The following SPOCK3 variants were observed in gnomAD, a reference collection of about 807,000 sequenced individuals.
SPOCK3 encodes the protein SPARC (osteonectin), cwcv and kazal like domains proteoglycan 3.
SPOCK3 carries 30 observed loss-of-function variants against 56.6 expected under a neutral mutation model. That is an observed-to-expected ratio of 0.53 (90% CI 0.40 to 0.72). SPOCK3 has a LOEUF of 0.72. SPOCK3 is among the 30% of genes least tolerant of loss of function. The probability of loss-of-function intolerance (pLI) is 0.00; values close to 1 mark genes in which losing one functional copy is unlikely to be tolerated. For synonymous variants in SPOCK3, 196 were observed against 183.3 expected (o/e 1.07, Z -0.56); for missense variants, 527 against 530.0 (o/e 0.99, Z 0.06).
At chr4:167,127,721 C>T (rs1005085572) in intron 2 of SPOCK3, among the ~76,000 whole-genome samples, 1 of 152,172 alleles carries the variant, frequency 6.6e-6, no homozygotes, top group Non-Finnish European at 1.5e-5. Flanking sequence ...AGCCACCATG[C>T]ACAGCCTGGA....
chr4:167,196,664 G>A (rs1732985167), intron 2 of SPOCK3, among the ~76,000 whole-genome samples: 1 of 152,068 alleles, frequency 6.6e-6, no homozygotes. Context: ...CTTTTCTAGA[G>A]TTCAGGGTTC....
At chr4:166,942,528 C>T (rs1164650160) in intron 4 of SPOCK3, among the ~76,000 whole-genome samples, 1 of 148,912 alleles carries the variant, frequency 6.7e-6, no homozygotes, top group East Asian at 2.0e-4. Flanking sequence ...GCAAAGGCGA[C>T]ATGAACTCTG....
intron 2 of SPOCK3, among the ~76,000 whole-genome samples, chr4:167,173,215 T>C (rs879762715): frequency 6.6e-6 from 1 of 152,170 alleles, no homozygotes; most frequent in Non-Finnish European, 1.5e-5. Flanking sequence ...GGCACTTTAT[T>C]TGATGTTGCA....
chr4:167,234,273 G>C (rs936454656), intron 1 of SPOCK3, 100 bp from the exon 2 acceptor site: 6 of 1,169,586 alleles, frequency 5.1e-6, no homozygotes, highest in Non-Finnish European at 7.4e-6. Flanking sequence ...TAGCAACGAC[G>C]AGGGTAGAGG....
At chr4:166,916,143 C>A (rs1201869354) in intron 4 of SPOCK3, among the ~76,000 whole-genome samples, 2 of 151,858 alleles carry the variant, frequency 1.3e-5, no homozygotes, top group East Asian at 3.9e-4. Context: ...GGAAACGAAG[C>A]AAATTGAATA....
intron 6 of SPOCK3, among the ~76,000 whole-genome samples, chr4:166,843,002 G>C (rs568192135): frequency 6.6e-6 from 1 of 152,206 alleles, no homozygotes; most frequent in Non-Finnish European, 1.5e-5. Context: ...GCGAGAATTC[G>C]AGCGTGTCCC....
chr4:167,229,448 T>C (rs994112248), intron 2 of SPOCK3, among the ~76,000 whole-genome samples: 45 of 152,166 alleles, frequency 3.0e-4, no homozygotes, highest in Non-Finnish European at 8.8e-5. Flanking sequence ...GGAGTAGACA[T>C]AGAAACAAAT....
chr4:167,066,410 C>G (rs995467774), intron 2 of SPOCK3, among the ~76,000 whole-genome samples: 1 of 151,788 alleles, frequency 6.6e-6, no homozygotes, highest in South Asian at 2.1e-4. Flanking sequence ...CAAATATCCT[C>G]TGGAAGAAAA....
At chr4:166,875,967 T>C (rs1411609047) in intron 6 of SPOCK3, among the ~76,000 whole-genome samples, 1 of 77,104 alleles carries the variant, frequency 1.3e-5, no homozygotes, top group African/African-American at 5.6e-5. Flanking sequence ...CCCCCTCAAG[T>C]CACACAGAAG....
chr4:167,184,629 T>C lies in SPOCK3; in HGVS notation c.189+49356A>G, dbSNP rs1731795061. ...AACCTGAGATGGAACCAGTATACTATTCCAGGAAGACTGATTCTCTTAGCC... is the reference window on the plus strand; with the variant it reads ...AACCTGAGATGGAACCAGTATACTACTCCAGGAAGACTGATTCTCTTAGCC... On this transcript the variant is annotated intron_variant, in intron 2 of 10. Coordinates refer to ENST00000357545, the MANE Select transcript of SPOCK3 (RefSeq NM_001040159.2). Among the ~76,000 whole-genome samples, 3 of 152,332 alleles carry C rather than the reference T, an allele frequency of 2.0e-5. No individual in the cohort carries two copies. The South Asian group carries it at 6.2e-4, about 32-fold the overall frequency.
At position 166,752,607 on chromosome 4, in the gene SPOCK3, C is replaced by T. The variant is rs1043158343; in HGVS notation, c.931+1901G>A. ...ACACACACACACACACACACACACA[C>T]ACACACATATATTTATAGCTACAGT... On this transcript the variant is annotated intron_variant, in intron 8 of 10. Transcript: ENST00000357545. Among the ~76,000 whole-genome samples the T allele has an allele frequency of 3.3e-4, 45 of 137,524 alleles. 1 individual carries two copies. Among genetic ancestry groups the T allele is most frequent in the African/African-American group, 1.2e-3 (44 of 35,688 alleles). The allele number at this position is 137,524 out of a possible 152,430, so 90.2% of individuals were successfully genotyped here.
At chr4:166,817,592 C>T (rs113195837) in intron 6 of SPOCK3, among the ~76,000 whole-genome samples, 5 of 152,064 alleles carry the variant, frequency 3.3e-5, no homozygotes, top group South Asian at 2.1e-4. Flanking sequence ...TCCACTGCTG[C>T]GTGTCCCCTG....
intron 2 of SPOCK3, among the ~76,000 whole-genome samples, chr4:167,099,719 TA>T (rs1464546391): frequency 6.6e-6 from 1 of 152,094 alleles, no homozygotes; most frequent in Non-Finnish European, 1.5e-5. Context: ...TTATACTTTT[TA>T]AAAAATTTTA....
chr4:166,879,966 T>C (rs1334152282), intron 6 of SPOCK3, among the ~76,000 whole-genome samples: 2 of 152,152 alleles, frequency 1.3e-5, no homozygotes, highest in African/African-American at 4.8e-5. Flanking sequence ...TCTACCATGA[T>C]TGTAAATTTC....
At position 167,188,921 on chromosome 4, in the gene SPOCK3, T is replaced by C. The variant is rs115507527; in HGVS notation, c.189+45064A>G. Among the ~76,000 whole-genome samples the C allele has an allele frequency of 1.4e-4, 21 of 146,596 alleles. 1 individual carries two copies. The highest frequency in any genetic ancestry group is 2.1e-4 in the South Asian group (1 of 4,694). ...AGAAAAGAGGTAACCTGAATAGCCCTAGATATATTAAAGAAATTGAATTTG... is the reference window on the plus strand; with the variant it reads ...AGAAAAGAGGTAACCTGAATAGCCCCAGATATATTAAAGAAATTGAATTTG... On this transcript the variant is annotated intron_variant, in intron 2 of 10. Transcript: ENST00000357545.
At chr4:166,770,794 A>C (rs574586282) in intron 7 of SPOCK3, among the ~76,000 whole-genome samples, 98 of 152,194 alleles carry the variant, frequency 6.4e-4, no homozygotes, top group South Asian at 2.5e-3. Context: ...TTAGATATAA[A>C]GATACAGACT....
At chr4:166,872,216 G>A (rs1005283000) in intron 6 of SPOCK3, among the ~76,000 whole-genome samples, 1 of 151,958 alleles carries the variant, frequency 6.6e-6, no homozygotes, top group Non-Finnish European at 1.5e-5. Context: ...AGACAAGAAT[G>A]AGTAATAGAA....
intron 4 of SPOCK3, among the ~76,000 whole-genome samples, chr4:166,940,031 GAT>G (rs1361468466): frequency 6.6e-6 from 1 of 152,076 alleles, no homozygotes; most frequent in Non-Finnish European, 1.5e-5. Context: ...CTAAAGGAAA[GAT>G]ATTTAAAATG....
chr4:166,999,524 C>T (rs980769342), intron 4 of SPOCK3, among the ~76,000 whole-genome samples: 5 of 152,214 alleles, frequency 3.3e-5, no homozygotes, highest in Non-Finnish European at 5.9e-5. Context: ...TTTCTCTGAG[C>T]ACACACAAAT....
Sources: gnomAD v4.1 joint callset for allele counts (sites outside exome capture counted in the v4.1 genomes callset) on GRCh38, gnomAD v4.1.1 for gene constraint, MANE v1.5 for transcripts, NCBI Gene and HGNC (gene_info 2026-07-23, HGNC 2026-07-21) for gene names.